The following TAF4B variants were observed in gnomAD, a reference collection of about 807,000 sequenced individuals.
The protein encoded by TAF4B is TATA-box binding protein associated factor 4b, also known as transcription initiation factor TFIID subunit 4B.
In TAF4B, 38 loss-of-function variants were observed where a neutral mutation model predicts 86.4. The ratio of observed to expected loss-of-function variants is 0.44; its 90% CI spans 0.34 to 0.58. The LOEUF is 0.58. Ranked by LOEUF, TAF4B falls within the 20% of genes least tolerant of loss-of-function variation. The pLI is 0.02. For missense variants in TAF4B, 988 were observed against 1,027.6 expected, an observed-to-expected ratio of 0.96 and a Z score of 0.53; for synonymous variants, 388 against 391.2, an observed-to-expected ratio of 0.99 and a Z score of 0.10.
chr18:26,247,021 A>C (rs1297098592), intron 1 of TAF4B, among the ~76,000 whole-genome samples: 1 of 151,958 alleles, frequency 6.6e-6, no homozygotes, highest in African/African-American at 2.4e-5. Context: ...ATGTGCCACC[A>C]TGCCTGGTTA....
chr18:26,298,521 C>T (rs144949188), intron 9 of TAF4B, among the ~76,000 whole-genome samples: 2,902 of 152,008 alleles, frequency 0.019, 79 homozygotes, highest in African/African-American at 0.066. Context: ...TGTGAGCCAC[C>T]GTGCCCTGCC....
intron 14 of TAF4B, among the ~76,000 whole-genome samples, chr18:26,367,204 T>C (rs925279942): frequency 3.3e-5 from 5 of 152,236 alleles, no homozygotes; most frequent in African/African-American, 1.2e-4. Context: ...GAGAATTGGC[T>C]GACATGATTA....
At chr18:26,264,723 G>T (rs960648440) in intron 1 of TAF4B, among the ~76,000 whole-genome samples, 3 of 152,026 alleles carry the variant, frequency 2.0e-5, no homozygotes, top group Admixed American at 2.0e-4. Context: ...TATCTTTTTC[G>T]TATAGATAGC....
chr18:26,228,915 ATAGG>A (rs1159124109), intron 1 of TAF4B, among the ~76,000 whole-genome samples: 2 of 152,206 alleles, frequency 1.3e-5, no homozygotes, highest in Admixed American at 6.5e-5. Context: ...GTTGGTCATA[ATAGG>A]TAGGTAGCAA....
chr18:26,315,095 ACTCTCTCTCTCTCTCT>A (rs58691265), intron 9 of TAF4B, 118 bp from the exon 10 acceptor site: 60 of 220,330 alleles, frequency 2.7e-4, no homozygotes, highest in African/African-American at 7.9e-4. Context: ...GCTCTCTGAA[ACTCTCTCTCTCTCTCT>A]CTCTCTCTCT....
At chr18:26,313,549 T>G (rs1227779884) in intron 9 of TAF4B, among the ~76,000 whole-genome samples, 1 of 152,226 alleles carries the variant, frequency 6.6e-6, no homozygotes, top group Non-Finnish European at 1.5e-5. Flanking sequence ...TTTACTGTTT[T>G]CTTTCCCCAT....
intron 13 of TAF4B, among the ~76,000 whole-genome samples, chr18:26,341,285 A>G (rs1486627410): frequency 2.0e-5 from 3 of 152,124 alleles, no homozygotes; most frequent in Non-Finnish European, 2.9e-5. Context: ...AAAAGAAAAA[A>G]CCAGTAGTTT....
chr18:26,271,794 G>C (rs1389670946), intron 3 of TAF4B, among the ~76,000 whole-genome samples: 2 of 152,014 alleles, frequency 1.3e-5, no homozygotes, highest in African/African-American at 2.4e-5. Context: ...TGGTGTGGTG[G>C]GGGGCGGCTC....
intron 9 of TAF4B, among the ~76,000 whole-genome samples, chr18:26,299,367 T>C (rs1568137579): frequency 6.6e-6 from 1 of 152,220 alleles, no homozygotes. Context: ...CATTGATTTT[T>C]AAATTTCTGA....
chr18:26,313,981 T>C (rs962926723), intron 9 of TAF4B, among the ~76,000 whole-genome samples: 52 of 152,172 alleles, frequency 3.4e-4, no homozygotes, highest in African/African-American at 1.3e-3. Flanking sequence ...TTTCTTTTAT[T>C]TTGCTTACAT....
intron 1 of TAF4B, among the ~76,000 whole-genome samples, chr18:26,231,197 C>T (rs2055663330): frequency 6.6e-6 from 1 of 151,080 alleles, no homozygotes; most frequent in Admixed American, 6.6e-5. Flanking sequence ...GCGCCACCAC[C>T]CTTGGCTAAT....
chr18:26,244,887 G>A (rs1408211860), intron 1 of TAF4B, among the ~76,000 whole-genome samples: 2 of 152,198 alleles, frequency 1.3e-5, no homozygotes, highest in East Asian at 1.9e-4. Flanking sequence ...GGTGAGTCTC[G>A]CTTGGGCGAC....
chr18:26,332,211 A>G (rs989718770), intron 12 of TAF4B, among the ~76,000 whole-genome samples: 1 of 152,154 alleles, frequency 6.6e-6, no homozygotes, highest in South Asian at 2.1e-4. Flanking sequence ...TCTTTACTTC[A>G]TAACTGACAA....
At chr18:26,229,562 G>A (rs1373993666) in intron 1 of TAF4B, among the ~76,000 whole-genome samples, 1 of 148,804 alleles carries the variant, frequency 6.7e-6, no homozygotes, top group Admixed American at 6.8e-5. Context: ...GGGTGCAGTG[G>A]CATAATCTCG....
intron 13 of TAF4B, among the ~76,000 whole-genome samples, chr18:26,353,077 G>A (rs927210959): frequency 2.6e-5 from 4 of 152,066 alleles, no homozygotes; most frequent in Non-Finnish European, 5.9e-5. Context: ...ATTTTATGAG[G>A]CCATTGTTGC....
At chr18:26,249,115 T>C (rs2055965225) in intron 1 of TAF4B, among the ~76,000 whole-genome samples, 2 of 146,472 alleles carry the variant, frequency 1.4e-5, no homozygotes, top group African/African-American at 5.1e-5. Context: ...GAGGTTACAG[T>C]GAACCGAGAT....
chr18:26,344,976 G>C (rs1471258941), intron 13 of TAF4B, among the ~76,000 whole-genome samples: 2 of 152,150 alleles, frequency 1.3e-5, no homozygotes, highest in Non-Finnish European at 2.9e-5. Flanking sequence ...AACCCAGCCA[G>C]CCCCTGTTGC....
intron 7 of TAF4B, among the ~76,000 whole-genome samples, chr18:26,291,228 C>T (rs777677993): frequency 6.6e-6 from 1 of 152,082 alleles, no homozygotes; most frequent in Non-Finnish European, 1.5e-5. Flanking sequence ...ATAGCTGGCT[C>T]AAATACATGA....
chr18:26,364,587 A>G (rs554860563), intron 14 of TAF4B, among the ~76,000 whole-genome samples: 32 of 152,152 alleles, frequency 2.1e-4, no homozygotes, highest in Admixed American at 1.2e-3. Context: ...CTTTTCCCCC[A>G]TTAGCTATAC....
Sources: gnomAD v4.1 joint callset for allele counts (sites outside exome capture counted in the v4.1 genomes callset) on GRCh38, gnomAD v4.1.1 for gene constraint, MANE v1.5 for transcripts, NCBI Gene and HGNC (gene_info 2026-07-23, HGNC 2026-07-21) for gene names.